TRAF6: variants seen among roughly 807,000 people sequenced by gnomAD.
TRAF6 encodes TNF receptor-associated factor 6.
In TRAF6, 10 loss-of-function variants were observed where a neutral mutation model predicts 48.4. That is an observed-to-expected ratio of 0.21 (90% CI 0.13 to 0.35). The LOEUF is 0.35. Among genes scored for constraint, TRAF6 ranks in the 10% least tolerant of loss-of-function variants. TRAF6 has a pLI of 1.00. For synonymous variants in TRAF6, 186 were observed against 219.6 expected (o/e 0.85, Z 1.35); for missense variants, 397 against 661.0 (o/e 0.60, Z 4.38).
At position 36,489,698 on chromosome 11, in the gene TRAF6, T is replaced by C; in HGVS notation, c.*140A>G. On this transcript the variant is annotated 3_prime_UTR_variant, in exon 7 of 7. Coordinates refer to ENST00000526995, the MANE Select transcript of TRAF6 (RefSeq NM_004620.4). ...TCAGATCATTTGTAACAGGAAGAAATAGTAAGTGACCTCTCTAACAACACT... is the reference window on the plus strand; with the variant it reads ...TCAGATCATTTGTAACAGGAAGAAACAGTAAGTGACCTCTCTAACAACACT... 9.7e-6 allele frequency: 9 copies of C among 932,266 alleles called. No homozygotes were observed. Among genetic ancestry groups the C allele is most frequent in the Non-Finnish European group, 1.5e-5 (9 of 610,700 alleles). The allele number at this position is 932,266 out of a possible 1,614,324, so 57.7% of individuals were successfully genotyped here. A position where few individuals can be genotyped will look rare whatever the true frequency, so the allele number is the denominator to read the frequency against.
rs772021883 is a variant in TRAF6 at position 36,495,097 on chromosome 11, G to C, written c.607-50C>G. ...TTAAAGCATGAGAATATCTGAAAAA[G>C]TGAAAACAACTAATTTTGATAAAAA... On this transcript the variant is annotated intron_variant, in intron 4 of 6. Coordinates refer to ENST00000526995, the MANE Select transcript of TRAF6 (RefSeq NM_004620.4). 2.8e-6 allele frequency: 4 copies of C among 1,409,264 alleles called. No homozygotes were observed. In the South Asian group the frequency reaches 4.8e-5, roughly 17 times the overall value. 87.3% of individuals were successfully genotyped at this position (1,409,264 alleles called of 1,614,324 possible). A position where few individuals can be genotyped will look rare whatever the true frequency, so the allele number is the denominator to read the frequency against.
intron 1 of TRAF6, among the ~76,000 whole-genome samples, chr11:36,506,610 G>C (rs537132822): frequency 6.6e-6 from 1 of 152,238 alleles, no homozygotes; most frequent in African/African-American, 2.4e-5. Flanking sequence ...TTCCAGTCCA[G>C]TTCAAAAGGC....
chr11:36,492,210 A>G (rs966187429), intron 6 of TRAF6, among the ~76,000 whole-genome samples: 3 of 152,144 alleles, frequency 2.0e-5, no homozygotes, highest in Non-Finnish European at 4.4e-5. Context: ...AATCATCTAC[A>G]TTGCTATTGG....
In TRAF6 at chr11:36,507,930, A is replaced by T. The variant is rs987458836; in HGVS notation, c.-23+2118T>A. On this transcript the variant is annotated intron_variant, in intron 1 of 6. Transcript: ENST00000526995. ...GAGTGCAGTGGCACGATCATGGCTC[A>T]TTGCAGCCTCCACCTCTTGGGCTCA... Among the ~76,000 whole-genome samples the T allele has an allele frequency of 2.7e-5, 4 of 149,590 alleles. No homozygotes were observed. The East Asian group carries it at 8.0e-4, about 30-fold the overall frequency.
intron 2 of TRAF6, among the ~76,000 whole-genome samples, chr11:36,499,339 A>G (rs776137587): frequency 3.3e-5 from 5 of 152,176 alleles, no homozygotes; most frequent in African/African-American, 9.6e-5. Context: ...AACATACTCA[A>G]TGAGAAATTT....
chr11:36,491,934 A>G (rs1463436854), intron 6 of TRAF6, among the ~76,000 whole-genome samples: 3 of 152,104 alleles, frequency 2.0e-5, no homozygotes, highest in Non-Finnish European at 4.4e-5. Context: ...TTTAAACTCT[A>G]CCTCCAGTCA....
Position 36,484,075 on chromosome 11 carries a change from A to C in TRAF6, c.*5763T>G, listed in dbSNP as rs1859447079. On this transcript the variant is annotated 3_prime_UTR_variant, in exon 7 of 7. Coordinates refer to ENST00000526995, the MANE Select transcript of TRAF6 (RefSeq NM_004620.4). The stretch of plus-strand genomic sequence containing the variant: ...TCTACTTACTAAAATGGAGTCCTTC[A>C]ATCTTAAGTCAGCCCAGCAATTCAG... 6.6e-6 allele frequency among the ~76,000 whole-genome samples: 1 copy of C among 152,148 alleles called. No individual in the cohort carries two copies. The highest frequency in any genetic ancestry group is 1.5e-5 in the Non-Finnish European group (1 of 68,028).
intron 1 of TRAF6, among the ~76,000 whole-genome samples, chr11:36,509,576 C>T (rs1590651758): frequency 6.6e-6 from 1 of 152,110 alleles, no homozygotes; most frequent in East Asian, 1.9e-4. Flanking sequence ...AAGGAGCGGA[C>T]AACTGCAGGA....
chr11:36,505,107 A>T (rs1859767420), intron 1 of TRAF6, among the ~76,000 whole-genome samples: 1 of 152,224 alleles, frequency 6.6e-6, no homozygotes, highest in Non-Finnish European at 1.5e-5. Flanking sequence ...GTAAATGAGC[A>T]CTGGTGTCAA....
At chr11:36,507,801 GTATA>G (rs1859825872) in intron 1 of TRAF6, among the ~76,000 whole-genome samples, 1 of 140,778 alleles carries the variant, frequency 7.1e-6, no homozygotes, top group African/African-American at 2.7e-5. Context: ...TTATATATGT[GTATA>G]TATACACATA....
Position 36,498,724 on chromosome 11 carries a change from C to A in TRAF6, c.297-84G>T. The A allele has an allele frequency of 2.2e-6, 3 of 1,366,682 alleles. No individual in the cohort carries two copies. The African/African-American group carries it at 4.4e-5, about 20-fold the overall frequency. The allele number at this position is 1,366,682 out of a possible 1,614,324, so 84.7% of individuals were successfully genotyped here. Reference sequence around the variant, plus strand: ...AACTTTAATTCACCATATATAAATTCTCCATTTACTGTTTCATAAGTAAAA... The same window carrying A: ...AACTTTAATTCACCATATATAAATTATCCATTTACTGTTTCATAAGTAAAA... On this transcript the variant is annotated intron_variant, in intron 2 of 6. Coordinates refer to ENST00000526995, the MANE Select transcript of TRAF6 (RefSeq NM_004620.4).
chr11:36,507,604 C>CATGTGT, intron 1 of TRAF6, among the ~76,000 whole-genome samples: 1 of 3,084 alleles, frequency 3.2e-4, no homozygotes, highest in African/African-American at 4.4e-4. Flanking sequence ...TATATGTATA[C>CATGTGT]ATACACGCGC....
intron 2 of TRAF6, among the ~76,000 whole-genome samples, chr11:36,499,976 G>A (rs1465957596): frequency 6.6e-6 from 1 of 152,144 alleles, no homozygotes; most frequent in Non-Finnish European, 1.5e-5. Context: ...ATAGTAAAAT[G>A]TATCTATTTC....
In TRAF6 at chr11:36,484,304, T is replaced by C. The variant is rs1213893718; in HGVS notation, c.*5534A>G. On this transcript the variant is annotated 3_prime_UTR_variant, in exon 7 of 7. Coordinates refer to ENST00000526995, the MANE Select transcript of TRAF6 (RefSeq NM_004620.4). The stretch of plus-strand genomic sequence containing the variant: ...TTTCATTCTTTTCATGATTAGTGTT[T>C]CCCCACCCTTATCTTTGCATTCACT... Among the ~76,000 whole-genome samples the C allele has an allele frequency of 6.6e-6, 1 of 152,204 alleles. No individual in the cohort carries two copies. The highest frequency in any genetic ancestry group is 1.5e-5 in the Non-Finnish European group (1 of 68,048).
chr11:36,485,793 C>T lies in TRAF6; in HGVS notation c.*4045G>A, dbSNP rs1212524352. On this transcript the variant is annotated 3_prime_UTR_variant, in exon 7 of 7. Coordinates refer to ENST00000526995, the MANE Select transcript of TRAF6 (RefSeq NM_004620.4). ...TTGAGTGTCACAGTCTGCCAAGATC[C>T]ATCCAATTTGATTTCATCAGATCAT... 6.6e-6 allele frequency among the ~76,000 whole-genome samples: 1 copy of T among 152,088 alleles called. No homozygotes were observed. The highest frequency in any genetic ancestry group is 2.4e-5 in the African/African-American group (1 of 41,360).
intron 1 of TRAF6, among the ~76,000 whole-genome samples, chr11:36,503,017 A>C (rs1859737405): frequency 6.6e-6 from 1 of 152,222 alleles, no homozygotes; most frequent in Non-Finnish European, 1.5e-5. Context: ...TAAAAGGTTA[A>C]GTAACTTACC....
At chr11:36,503,736 G>A (rs193295095) in intron 1 of TRAF6, among the ~76,000 whole-genome samples, 9 of 152,298 alleles carry the variant, frequency 5.9e-5, no homozygotes, top group Non-Finnish European at 1.2e-4. Flanking sequence ...AGTCACTACA[G>A]CTGGGTCGTA....
chr11:36,494,397 T>C (rs112130141), intron 5 of TRAF6, among the ~76,000 whole-genome samples: 12 of 152,122 alleles, frequency 7.9e-5, no homozygotes, highest in African/African-American at 2.6e-4. Context: ...CCCCACCATA[T>C]AATTTTCTAT....
At chr11:36,500,688 G>A (rs1859704040) in intron 2 of TRAF6, among the ~76,000 whole-genome samples, 1 of 152,132 alleles carries the variant, frequency 6.6e-6, no homozygotes, top group Non-Finnish European at 1.5e-5. Flanking sequence ...GTAGCAGAGG[G>A]AGGAAGTGAG....
Sources: allele counts gnomAD v4.1 joint callset (sites outside exome capture counted in the v4.1 genomes callset), GRCh38; gene constraint gnomAD v4.1.1; transcripts MANE v1.5; gene names NCBI Gene and HGNC (gene_info 2026-07-23, HGNC 2026-07-21).